The following HEMGN variants were observed in gnomAD, a reference collection of about 807,000 sequenced individuals.
HEMGN encodes erythroid differentiation-associated gene protein.
Under a neutral mutation model 45.7 loss-of-function variants are expected in HEMGN, and 32 were observed. That is an observed-to-expected ratio of 0.70 (90% CI 0.53 to 0.94). HEMGN has a LOEUF of 0.94. Ranked by LOEUF, HEMGN falls within the 40% of genes least tolerant of loss-of-function variation. The pLI is 0.00. For missense variants in HEMGN, 530 were observed against 564.2 expected, an observed-to-expected ratio of 0.94 and a Z score of 0.61; for synonymous variants, 183 against 178.6, an observed-to-expected ratio of 1.02 and a Z score of -0.20.
chr9:97,927,571 T>G lies in HEMGN; in HGVS notation c.1361-93A>C. 4 of 767,198 alleles carry G rather than the reference T, an allele frequency of 5.2e-6. 1 individual carries two copies. The South Asian group carries it at 6.3e-5, about 12-fold the overall frequency. 47.5% of individuals were successfully genotyped at this position (767,198 alleles called of 1,614,324 possible). On this transcript the variant is annotated intron_variant, in intron 3 of 3. Coordinates refer to ENST00000616898, the MANE Select transcript of HEMGN (RefSeq NM_197978.3). ...GAGGAAGAAAAACTGCTTTACAACATACACAACAACAAACCGTAGATGGGG... is the reference window on the plus strand; with the variant it reads ...GAGGAAGAAAAACTGCTTTACAACAGACACAACAACAAACCGTAGATGGGG...
chr9:97,940,864 C>T (rs1827142118), upstream of HEMGN, among the ~76,000 whole-genome samples: 1 of 152,070 alleles, frequency 6.6e-6, no homozygotes, highest in Non-Finnish European at 1.5e-5. Flanking sequence ...GAACATGCAG[C>T]CTGGGACAGT....
chr9:97,931,220 C>G lies in HEMGN; in HGVS notation c.175G>C (p.Glu59Gln). Reference protein sequence around the residue: ...EKETSQWLFGEQKKRKQQRTG... With the variant: ...EKETSQWLFGQQKKRKQQRTG... ...CTCTGCTGCTTGCGTTTTTTCTGTT[C>G]TCTGCAGAAAGAACAGAATTAGTGT... Residue 59 changes from glutamate (E) to glutamine (Q), a missense_variant and splice_region_variant, in exon 3 of 4, where the codon GAA becomes CAA. Physicochemically the swap from Glu to Gln is conservative, Grantham distance 29. Coordinates refer to ENST00000616898, the MANE Select transcript of HEMGN (RefSeq NM_197978.3). 3 of 1,594,534 alleles carry G rather than the reference C, an allele frequency of 1.9e-6. No homozygotes were observed. Among genetic ancestry groups the G allele is most frequent in the Non-Finnish European group, 2.6e-6 (3 of 1,174,228 alleles).
upstream of HEMGN, among the ~76,000 whole-genome samples, chr9:97,941,735 G>GCCA (rs2131559551): frequency 6.6e-6 from 1 of 152,266 alleles, no homozygotes; most frequent in Admixed American, 6.5e-5. Flanking sequence ...TGTGCTAACA[G>GCCA]GTTAGGGAGA....
chr9:97,932,829 A>G lies in HEMGN; in HGVS notation c.174-1608T>C, dbSNP rs1826981809. ...AAAAAAAAAAAAAAAAAGGAAATCT[A>G]AAGATGATGGTTATGGCACCTCAGC... On this transcript the variant is annotated intron_variant, in intron 2 of 3. Coordinates refer to ENST00000616898, the MANE Select transcript of HEMGN (RefSeq NM_197978.3). Among the ~76,000 whole-genome samples the G allele has an allele frequency of 2.0e-5, 3 of 151,926 alleles. No homozygotes were observed. The South Asian group carries it at 6.2e-4, about 32-fold the overall frequency.
At position 97,931,239 on chromosome 9, in the gene HEMGN, T is replaced by A; in HGVS notation, c.174-18A>T. On this transcript the variant is annotated intron_variant, in intron 2 of 3. Coordinates refer to ENST00000616898, the MANE Select transcript of HEMGN (RefSeq NM_197978.3). ...TCTGTTCTCTGCAGAAAGAACAGAA[T>A]TAGTGTCAGCAGTGGTACTACAGAA... is the stretch of plus-strand genomic sequence containing the variant. 3 of 1,566,522 alleles carry A rather than the reference T, an allele frequency of 1.9e-6. No individual in the cohort carries two copies. The highest frequency in any genetic ancestry group is 1.7e-6 in the Non-Finnish European group (2 of 1,157,210).
chr9:97,931,696 C>T (rs972080275), intron 2 of HEMGN, among the ~76,000 whole-genome samples: 2 of 152,114 alleles, frequency 1.3e-5, no homozygotes, highest in Non-Finnish European at 2.9e-5. Context: ...GTGCAGCCTG[C>T]AGGTGGATGC....
At position 97,930,081 on chromosome 9, in the gene HEMGN, A is replaced by AG. The variant is rs1219486322; in HGVS notation, c.1313dup (p.Lys439Ter). ...CTTTAGCATCTTCCTGGTGTGCTTTAGGATCCTGGCCTTGGGGCCCACCTG... is the reference window on the plus strand; with the variant it reads ...CTTTAGCATCTTCCTGGTGTGCTTTAGGGATCCTGGCCTTGGGGCCCACCTG... On this transcript the variant is annotated frameshift_variant, in exon 3 of 4. Coordinates refer to ENST00000616898, the MANE Select transcript of HEMGN (RefSeq NM_197978.3). LOFTEE classifies it low-confidence loss of function (END_TRUNC). 1 of 1,614,078 alleles carries AG rather than the reference A, an allele frequency of 6.2e-7. No individual in the cohort carries two copies. The highest frequency in any genetic ancestry group is 1.7e-5 in the Admixed American group (1 of 60,006).
At chr9:97,927,618 G>A (rs1423730895) in intron 3 of HEMGN, 140 bp from the exon 4 acceptor site, 5 of 568,784 alleles carry the variant, frequency 8.8e-6, no homozygotes, top group Non-Finnish European at 1.6e-5. Context: ...ATACCATAAA[G>A]TTATAGAAAT....
chr9:97,943,125 T>C (rs923065582), upstream of HEMGN, among the ~76,000 whole-genome samples: 5 of 152,200 alleles, frequency 3.3e-5, no homozygotes, highest in African/African-American at 1.2e-4. Context: ...TAATACCTCA[T>C]GGGGATTCTG....
upstream of HEMGN, among the ~76,000 whole-genome samples, chr9:97,940,880 A>G (rs958492667): frequency 2.6e-5 from 4 of 152,026 alleles, no homozygotes; most frequent in Non-Finnish European, 5.9e-5. Flanking sequence ...ACAGTAATTT[A>G]TACACTCAGG....
Position 97,930,781 on chromosome 9 carries a change from C to T in HEMGN, c.614G>A (p.Cys205Tyr). 1.2e-6 allele frequency: 2 copies of T among 1,614,066 alleles called. No homozygotes were observed. The highest frequency in any genetic ancestry group is 1.7e-6 in the Non-Finnish European group (2 of 1,179,974). The change falls in exon 3 of 4, where the codon TGC (cysteine) becomes TAC (tyrosine). Residue 205 changes from cysteine (C) to tyrosine (Y), a missense_variant. By Grantham distance (194) the Cys-to-Tyr change is radical. Transcript: ENST00000616898. ...KEPEDNSPNT[C>Y]QVISVIQDHP... The stretch of plus-strand genomic sequence containing the variant: ...GTCTTGAATTACAGATATTACTTGG[C>T]ATGTGTTAGGAGAGTTGTCTTCAGG...
chr9:97,931,055 T>C lies in HEMGN; in HGVS notation c.340A>G (p.Ile114Val), dbSNP rs1254693517. The C allele has an allele frequency of 1.2e-6, 2 of 1,614,080 alleles. No homozygotes were observed. Among genetic ancestry groups the C allele is most frequent in the Non-Finnish European group, 1.7e-6 (2 of 1,180,050 alleles). The change falls in exon 3 of 4, where the codon ATA becomes GTA. Residue 114 changes from isoleucine (I) to valine (V), a missense_variant. Physicochemically the swap from Ile to Val is conservative, Grantham distance 29. Transcript: ENST00000616898. ...GCTACTGAAGGAAATACTTTGGTTA[T>C]GCTCCCAGGTGGCTCAGTTTTTTTC... is the stretch of plus-strand genomic sequence containing the variant. ...IEKKTEPPGSITKVFPSVASP... is the reference protein window; with the variant it reads ...IEKKTEPPGSVTKVFPSVASP...
intron 1 of HEMGN, among the ~76,000 whole-genome samples, chr9:97,936,903 G>A (rs929946054): frequency 2.6e-5 from 4 of 152,014 alleles, no homozygotes; most frequent in East Asian, 1.9e-4. Context: ...TCCTTAGAAC[G>A]GTGTTTTTTC....
chr9:97,936,112 T>C, intron 2 of HEMGN, 59 bp downstream of exon 2: 1 of 1,098,422 alleles, frequency 9.1e-7, no homozygotes, highest in Non-Finnish European at 1.4e-6. Flanking sequence ...CAGCACTACT[T>C]TATGCATAAC....
intron 1 of HEMGN, among the ~76,000 whole-genome samples, chr9:97,937,293 G>T (rs918168480): frequency 6.6e-6 from 1 of 151,958 alleles, no homozygotes; most frequent in African/African-American, 2.4e-5. Context: ...ATGTGCCATG[G>T]TGGTTTGCTG....
chr9:97,928,780 A>C (rs1432881690), intron 3 of HEMGN, among the ~76,000 whole-genome samples: 1 of 152,204 alleles, frequency 6.6e-6, no homozygotes, highest in African/African-American at 2.4e-5. Flanking sequence ...ATCCTTATAG[A>C]GACTGGTTGA....
intron 3 of HEMGN, among the ~76,000 whole-genome samples, chr9:97,929,549 G>C (rs574644463): frequency 1.2e-3 from 190 of 152,236 alleles, no homozygotes; most frequent in Non-Finnish European, 2.4e-3. Flanking sequence ...AAATAGAAAG[G>C]GTTTTTGGTA....
chr9:97,934,665 C>A (rs979673395), intron 2 of HEMGN, among the ~76,000 whole-genome samples: 2 of 152,062 alleles, frequency 1.3e-5, no homozygotes, highest in East Asian at 1.9e-4. Context: ...CCTAAAAAAA[C>A]CTCACTTTCT....
intron 3 of HEMGN, 35 bp downstream of exon 3, chr9:97,930,000 G>T: frequency 1.3e-6 from 2 of 1,482,764 alleles, no homozygotes; most frequent in African/African-American, 1.4e-5. Context: ...CTCTGGGGGA[G>T]ATGTACCTAC....
Sources: allele counts gnomAD v4.1 joint callset (sites outside exome capture counted in the v4.1 genomes callset), GRCh38; gene constraint gnomAD v4.1.1; transcripts MANE v1.5; gene names NCBI Gene and HGNC (gene_info 2026-07-23, HGNC 2026-07-21).